Variants in MACROD2 observed in about 807,000 individuals in gnomAD.
The protein encoded by MACROD2 is ADP-ribose glycohydrolase MACROD2.
In MACROD2, 36 loss-of-function variants were observed where a neutral mutation model predicts 70.4. That is an observed-to-expected ratio of 0.51 (90% CI 0.39 to 0.68). The LOEUF (loss-of-function observed/expected upper bound fraction) is 0.68, where lower values mean the gene tolerates loss of function less well. MACROD2 is among the 30% of genes least tolerant of loss of function. The pLI is 0.00. For synonymous variants in MACROD2, 172 were observed against 178.8 expected (o/e 0.96, Z 0.30); for missense variants, 496 against 538.4 (o/e 0.92, Z 0.78).
intron 3 of MACROD2, among the ~76,000 whole-genome samples, chr20:14,160,351 C>T (rs569017371): frequency 2.6e-5 from 4 of 152,188 alleles, no homozygotes; most frequent in East Asian, 1.9e-4. Flanking sequence ...CATTTGGTCC[C>T]GGACTTTTCT....
chr20:16,035,139 TATATTATATATAAAATATAATATAAA>T (rs2067212522), intron 15 of MACROD2, among the ~76,000 whole-genome samples: 1 of 99,044 alleles, frequency 1.0e-5, no homozygotes, highest in Non-Finnish European at 2.0e-5. Context: ...TTATATATTA[TATATTATATATAAAATATAATATAAA>T]ATATAAAATA....
At chr20:15,469,632 G>C (rs781578558) in intron 7 of MACROD2, among the ~76,000 whole-genome samples, 30 of 152,316 alleles carry the variant, frequency 2.0e-4, no homozygotes, top group Middle Eastern at 3.4e-3. Context: ...CAGTCCACAA[G>C]AAAGGGGCCT....
intron 8 of MACROD2, among the ~76,000 whole-genome samples, chr20:15,513,621 C>G (rs2047529685): frequency 6.6e-6 from 1 of 152,186 alleles, no homozygotes. Context: ...TTGATATACT[C>G]AAACCCTACA....
At chr20:14,809,785 A>G (rs2072686679) in intron 5 of MACROD2, among the ~76,000 whole-genome samples, 1 of 152,136 alleles carries the variant, frequency 6.6e-6, no homozygotes, top group African/African-American at 2.4e-5. Flanking sequence ...ACGAACTACC[A>G]TTAGAGAATA....
chr20:15,754,318 A>C (rs1443198563), intron 8 of MACROD2, among the ~76,000 whole-genome samples: 1 of 152,222 alleles, frequency 6.6e-6, no homozygotes, highest in Non-Finnish European at 1.5e-5. Context: ...TGGTTCATTA[A>C]CATTCATAAA....
At position 14,858,292 on chromosome 20, in the gene MACROD2, T is replaced by G. The variant is rs572265961; in HGVS notation, c.418+173333T>G. Among the ~76,000 whole-genome samples the G allele has an allele frequency of 3.3e-5, 5 of 152,234 alleles. No homozygotes were observed. The South Asian group carries it at 8.3e-4, about 25-fold the overall frequency. On this transcript the variant is annotated intron_variant, in intron 5 of 17. Coordinates refer to ENST00000684519, the MANE Select transcript of MACROD2 (RefSeq NM_001351661.2). Reference sequence around the variant, plus strand: ...ATGTGGTTAACCCGATGCAGGAGTCTGAGTGGAACTCTGAACAGGATGAGA... The same window carrying G: ...ATGTGGTTAACCCGATGCAGGAGTCGGAGTGGAACTCTGAACAGGATGAGA...
chr20:14,081,074 G>C (rs558047362), intron 2 of MACROD2, among the ~76,000 whole-genome samples: 97 of 152,146 alleles, frequency 6.4e-4, no homozygotes, highest in Non-Finnish European at 1.2e-3. Context: ...GCGTAGCCCA[G>C]TTTCAGCAAG....
chr20:15,894,955 A>T (rs564713410), intron 10 of MACROD2, among the ~76,000 whole-genome samples: 1 of 152,308 alleles, frequency 6.6e-6, no homozygotes, highest in Non-Finnish European at 1.5e-5. Context: ...TCTTAAGGCC[A>T]CACTTGGGTA....
chr20:15,648,706 G>A (rs1322070163), intron 8 of MACROD2, among the ~76,000 whole-genome samples: 29 of 151,112 alleles, frequency 1.9e-4, no homozygotes, highest in Admixed American at 1.6e-3. Context: ...GTAGATGGAT[G>A]GGTGGATGGA....
intron 8 of MACROD2, among the ~76,000 whole-genome samples, chr20:15,556,452 A>G (rs1346123086): frequency 6.6e-6 from 1 of 152,076 alleles, no homozygotes; most frequent in Non-Finnish European, 1.5e-5. Context: ...ACCTCTGTGT[A>G]TTCATGGTGC....
chr20:15,412,204 C>T (rs1299609488), intron 6 of MACROD2, among the ~76,000 whole-genome samples: 2 of 152,086 alleles, frequency 1.3e-5, no homozygotes, highest in Non-Finnish European at 2.9e-5. Flanking sequence ...AGCCTCATAA[C>T]ACCTTATAAT....
chr20:16,020,797 G>A (rs557646173), intron 15 of MACROD2, among the ~76,000 whole-genome samples: 1 of 152,176 alleles, frequency 6.6e-6, no homozygotes, highest in African/African-American at 2.4e-5. Flanking sequence ...CCCATGGACA[G>A]AAAGTTAACT....
intron 5 of MACROD2, among the ~76,000 whole-genome samples, chr20:14,833,589 G>C (rs967365008): frequency 2.6e-5 from 4 of 151,920 alleles, no homozygotes. Context: ...TTTAATGCTT[G>C]GAAACTTTTA....
chr20:14,264,233 A>C (rs552785474), intron 3 of MACROD2, among the ~76,000 whole-genome samples: 13 of 152,160 alleles, frequency 8.5e-5, no homozygotes, highest in Non-Finnish European at 1.0e-4. Context: ...GGACCAGAGA[A>C]GCTTCTCTGA....
intron 5 of MACROD2, among the ~76,000 whole-genome samples, chr20:14,691,737 G>A (rs2071067069): frequency 6.6e-6 from 1 of 152,182 alleles, no homozygotes; most frequent in Non-Finnish European, 1.5e-5. Flanking sequence ...AAGCAGTGGA[G>A]TGGACATGCT....
chr20:15,670,221 A>G (rs2049960689), intron 8 of MACROD2, among the ~76,000 whole-genome samples: 1 of 152,242 alleles, frequency 6.6e-6, no homozygotes, highest in Non-Finnish European at 1.5e-5. Flanking sequence ...TTAAATGGCT[A>G]CTTTTCCCTC....
intron 8 of MACROD2, among the ~76,000 whole-genome samples, chr20:15,624,948 G>A (rs2049181725): frequency 6.6e-6 from 1 of 152,068 alleles, no homozygotes; most frequent in Admixed American, 6.6e-5. Flanking sequence ...TTAATATCTT[G>A]TTATTATTTC....
chr20:15,144,950 G>A lies in MACROD2; in HGVS notation c.419-84990G>A, dbSNP rs577571168. Among the ~76,000 whole-genome samples, 12 of 152,122 alleles carry A rather than the reference G, an allele frequency of 7.9e-5. No homozygotes were observed. The East Asian group carries it at 1.7e-3, about 22-fold the overall frequency. On this transcript the variant is annotated intron_variant, in intron 5 of 17. Transcript: ENST00000684519. ...ACTATAGAGCACAGTACAGAAGAAC[G>A]GGCTGTATAAATCAGCATTTGGCAC...
chr20:14,862,558 A>AATATAAATAT (rs1234745384), intron 5 of MACROD2, among the ~76,000 whole-genome samples: 187 of 10,842 alleles, frequency 0.017, 35 homozygotes, highest in African/African-American at 0.04. Context: ...TATATATATA[A>AATATAAATAT]ATATAAATAT....
Sources: gnomAD v4.1 joint callset for allele counts (sites outside exome capture counted in the v4.1 genomes callset) on GRCh38, gnomAD v4.1.1 for gene constraint, MANE v1.5 for transcripts, NCBI Gene and HGNC (gene_info 2026-07-23, HGNC 2026-07-21) for gene names.